THAP6: variants seen among roughly 807,000 people sequenced by gnomAD.
THAP6 encodes THAP domain containing 6.
In THAP6, 13 loss-of-function variants were observed where a neutral mutation model predicts 20.0. The ratio of observed to expected loss-of-function variants is 0.65; its 90% CI spans 0.42 to 1.03. THAP6 has a LOEUF of 1.03. THAP6 is among the 50% of genes least tolerant of loss of function. THAP6 has a pLI of 0.00. For missense variants in THAP6, 262 were observed against 261.6 expected, an observed-to-expected ratio of 1.00 and a Z score of -0.01; for synonymous variants, 93 against 92.2, an observed-to-expected ratio of 1.01 and a Z score of -0.05.
chr4:75,517,107 C>T, intron 3 of THAP6, 128 bp downstream of exon 3: 1 of 688,300 alleles, frequency 1.5e-6, no homozygotes, highest in South Asian at 2.2e-5. Context: ...CAATCTCTGC[C>T]TCCAGGGTTT....
At chr4:75,518,033 G>T (rs1248122637) in intron 3 of THAP6, among the ~76,000 whole-genome samples, 3 of 152,190 alleles carry the variant, frequency 2.0e-5, no homozygotes, top group Non-Finnish European at 4.4e-5. Flanking sequence ...TCTGCAGTTG[G>T]TCATATTGTA....
rs1428982305 is a variant in THAP6, at chr4:75,527,755, A to G, written c.*541A>G. 4 of 987,724 alleles carry G rather than the reference A, an allele frequency of 4.0e-6. No individual in the cohort carries two copies. In the South Asian group the frequency reaches 1.4e-4, roughly 34 times the overall value. The allele number at this position is 987,724 out of a possible 1,614,324, so 61.2% of individuals were successfully genotyped here. On this transcript the variant is annotated 3_prime_UTR_variant, in exon 5 of 5. Coordinates refer to ENST00000311638, the MANE Select transcript of THAP6 (RefSeq NM_144721.6). ...TCCTGTGGTATTGACTCTGAGAATA[A>G]CACATAGTGAAGATCTGTGGGCTTT... is the stretch of plus-strand genomic sequence containing the variant.
At chr4:75,530,781 T>TAACA (rs991781799), downstream of THAP6, among the ~76,000 whole-genome samples, 7 of 152,210 alleles carry the variant, frequency 4.6e-5, no homozygotes, top group African/African-American at 1.7e-4. Flanking sequence ...TAATCTGCTC[T>TAACA]AACAAAGATG....
downstream of THAP6, among the ~76,000 whole-genome samples, chr4:75,534,564 G>T (rs904943756): frequency 6.6e-6 from 1 of 152,164 alleles, no homozygotes; most frequent in African/African-American, 2.4e-5. Flanking sequence ...TGACAAATTG[G>T]ATCTAATGAA....
rs1196428481 is a variant in THAP6 at position 75,529,221 on chromosome 4, A to G, written c.*2007A>G. On this transcript the variant is annotated 3_prime_UTR_variant, in exon 5 of 5. Coordinates refer to ENST00000311638, the MANE Select transcript of THAP6 (RefSeq NM_144721.6). ...CACCCTATTTGTGAATATATAAATT[A>G]AAGTAAGACAATGGAGTAAGTAAGA... The G allele has an allele frequency of 8.1e-6, 8 of 984,658 alleles. No individual in the cohort carries two copies. Among genetic ancestry groups the G allele is most frequent in the East Asian group, 1.1e-4 (1 of 8,834 alleles). 61.0% of individuals were successfully genotyped at this position (984,658 alleles called of 1,614,324 possible). A position where few individuals can be genotyped will look rare whatever the true frequency, so the allele number is the denominator to read the frequency against.
intron 3 of THAP6, among the ~76,000 whole-genome samples, chr4:75,543,770 G>GTA (rs1456649933): frequency 6.6e-6 from 1 of 152,222 alleles, no homozygotes; most frequent in Non-Finnish European, 1.5e-5. Flanking sequence ...AGAGAAGAGA[G>GTA]TAGGCTGGCT....
At chr4:75,514,306 A>G (rs766392966), upstream of THAP6, 2 of 1,604,550 alleles carry the variant, frequency 1.2e-6, no homozygotes, top group Non-Finnish European at 1.7e-6. Flanking sequence ...CTCCCCTCAC[A>G]TTCCACCGAT....
At chr4:75,539,815 C>A in intron 2 of THAP6, 2 of 1,535,616 alleles carry the variant, frequency 1.3e-6, no homozygotes, top group Middle Eastern at 1.7e-4. Flanking sequence ...ATGAGCCATC[C>A]ACATACTGTT....
rs1726572132 is a variant in THAP6 at position 75,529,263 on chromosome 4, A to G, written c.*2049A>G. The G allele has an allele frequency of 2.0e-6, 2 of 985,214 alleles. No individual in the cohort carries two copies. The highest frequency in any genetic ancestry group is 9.4e-5 in the South Asian group (2 of 21,270). 61.0% of individuals were successfully genotyped at this position (985,214 alleles called of 1,614,324 possible). A position where few individuals can be genotyped will look rare whatever the true frequency, so the allele number is the denominator to read the frequency against. ...TAAGTAAGAGGGTAGATCCAAACAC[A>G]GTATGTCTAAATTCTAGCACTCTAC... On this transcript the variant is annotated 3_prime_UTR_variant, in exon 5 of 5. Transcript: ENST00000311638.
In THAP6 at chr4:75,527,155, C is replaced by G. The variant is rs1560546550; in HGVS notation, c.610C>G (p.Leu204Val). ...CLISQETANRLDTFCWDCCQE... is the reference protein window; with the variant it reads ...CLISQETANRVDTFCWDCCQE... ...GATCAGCCAAGAAACAGCAAATAGA[C>G]TGGACACTTTCTGTTGGGACTGTTG... Residue 204 changes from leucine (L) to valine (V), a missense_variant, in exon 5 of 5, where the codon CTG becomes GTG. Coordinates refer to ENST00000311638, the MANE Select transcript of THAP6 (RefSeq NM_144721.6). The G allele has an allele frequency of 1.9e-6, 3 of 1,613,952 alleles. No homozygotes were observed. The highest frequency in any genetic ancestry group is 2.2e-5 in the South Asian group (2 of 91,082).
chr4:75,543,952 G>C lies in THAP6; in HGVS notation c.243+1466G>C, dbSNP rs576725867. ...CCCCCAGTAAATTACATTCTTGGAA[G>C]CTGACTCTTCTTAGCAGTGTCCCAT... On this transcript the variant is annotated intron_variant, in intron 3 of 4. Transcript: ENST00000502620. Among the ~76,000 whole-genome samples, 5 of 152,348 alleles carry C rather than the reference G, an allele frequency of 3.3e-5. No homozygotes were observed. In the East Asian group the frequency reaches 9.6e-4, roughly 29 times the overall value.
At chr4:75,515,351 G>A in intron 1 of THAP6, 82 bp from the exon 2 acceptor site, 5 of 1,325,476 alleles carry the variant, frequency 3.8e-6, no homozygotes, top group Non-Finnish European at 5.4e-6. Flanking sequence ...CTGATTTTGT[G>A]TTTCCTAAAA....
chr4:75,517,810 G>A (rs1725759148), intron 3 of THAP6: 1 of 152,204 alleles, frequency 6.6e-6, no homozygotes, highest in South Asian at 2.1e-4. Flanking sequence ...TTTTTTCTGG[G>A]TAATATTCCC....
intron 4 of THAP6, among the ~76,000 whole-genome samples, chr4:75,523,090 C>T (rs752986302): frequency 6.6e-6 from 1 of 152,164 alleles, no homozygotes; most frequent in Non-Finnish European, 1.5e-5. Context: ...CCTTTTTCTC[C>T]ACATCCTTGC....
chr4:75,533,964 G>C (rs897773311), downstream of THAP6, among the ~76,000 whole-genome samples: 2 of 150,530 alleles, frequency 1.3e-5, no homozygotes, highest in Non-Finnish European at 3.0e-5. Flanking sequence ...CCTGTGTCCA[G>C]GTGTTCTCAT....
intron 1 of THAP6, chr4:75,514,955 G>A (rs139867284): frequency 1.8e-4 from 29 of 163,708 alleles, no homozygotes; most frequent in Non-Finnish European, 3.6e-4. Context: ...ACTGGTGGAG[G>A]AGGAAGACAT....
chr4:75,528,573 T>G lies in THAP6; in HGVS notation c.*1359T>G. 1 of 982,556 alleles carries G rather than the reference T, an allele frequency of 1.0e-6. No individual in the cohort carries two copies. Among genetic ancestry groups the G allele is most frequent in the Non-Finnish European group, 1.2e-6 (1 of 827,344 alleles). 60.9% of individuals were successfully genotyped at this position (982,556 alleles called of 1,614,324 possible). A position where few individuals can be genotyped will look rare whatever the true frequency, so the allele number is the denominator to read the frequency against. On this transcript the variant is annotated 3_prime_UTR_variant, in exon 5 of 5. Transcript: ENST00000311638. The stretch of plus-strand genomic sequence containing the variant: ...TACATTAATATTAGTTAAGATATGG[T>G]CACTTGAATTTTTTGTATTTAAGAA...
intron 3 of THAP6, 107 bp from the exon 4 acceptor site, chr4:75,521,628 GA>G: frequency 8.4e-7 from 1 of 1,188,452 alleles, no homozygotes; most frequent in African/African-American, 1.5e-5. Context: ...CAATTTCCAT[GA>G]AAAGAAATGT....
chr4:75,520,895 C>T (rs1184665165), intron 3 of THAP6, among the ~76,000 whole-genome samples: 1 of 152,154 alleles, frequency 6.6e-6, no homozygotes, highest in East Asian at 1.9e-4. Context: ...AACACTCGTG[C>T]GTGTCTATGT....
Sources: allele counts gnomAD v4.1 joint callset (sites outside exome capture counted in the v4.1 genomes callset), GRCh38; gene constraint gnomAD v4.1.1; transcripts MANE v1.5; gene names NCBI Gene and HGNC (gene_info 2026-07-23, HGNC 2026-07-21).